The following RAPGEF1 variants were observed in gnomAD, a reference collection of about 807,000 sequenced individuals.
The protein encoded by RAPGEF1 is Rap guanine nucleotide exchange factor 1.
Under a neutral mutation model 143.3 loss-of-function variants are expected in RAPGEF1, and 33 were observed. The ratio of observed to expected loss-of-function variants is 0.23; its 90% CI spans 0.17 to 0.31. The LOEUF (loss-of-function observed/expected upper bound fraction) is 0.31. Ranked by LOEUF, RAPGEF1 falls within the 10% of genes least tolerant of loss-of-function variation. The probability of loss-of-function intolerance (pLI) is 1.00; values close to 1 mark genes in which losing one functional copy is unlikely to be tolerated. For missense variants in RAPGEF1, 1,199 were observed against 1,645.4 expected, an observed-to-expected ratio of 0.73 and a Z score of 4.69; for synonymous variants, 629 against 676.5, an observed-to-expected ratio of 0.93 and a Z score of 1.09.
At chr9:131,712,404 C>T (rs1480399104) in intron 1 of RAPGEF1, among the ~76,000 whole-genome samples, 2 of 152,194 alleles carry the variant, frequency 1.3e-5, no homozygotes, top group Non-Finnish European at 2.9e-5. Flanking sequence ...ATGCATTAAC[C>T]AGAGTTTCTA....
chr9:131,636,237 T>G (rs1194232571), intron 5 of RAPGEF1, among the ~76,000 whole-genome samples: 1 of 152,238 alleles, frequency 6.6e-6, no homozygotes, highest in Non-Finnish European at 1.5e-5. Context: ...TGCTCATATT[T>G]CCTATTATCT....
chr9:131,678,058 G>T (rs1832581314), intron 1 of RAPGEF1, among the ~76,000 whole-genome samples: 1 of 152,210 alleles, frequency 6.6e-6, no homozygotes, highest in Non-Finnish European at 1.5e-5. Flanking sequence ...TAGAATCGAG[G>T]TCAACGCAAA....
rs143916209 is a variant in RAPGEF1 at position 131,668,641 on chromosome 9, G to A, written c.62-17692C>T. On this transcript the variant is annotated intron_variant, in intron 1 of 26. Transcript: ENST00000683357. The stretch of plus-strand genomic sequence containing the variant: ...ACCACTCAAGGCGGCCTGTCCCCAC[G>A]GTGGCCTACTCCCAGGGAAGCGTTT... Among the ~76,000 whole-genome samples, 8 of 152,212 alleles carry A rather than the reference G, an allele frequency of 5.3e-5. No individual in the cohort carries two copies. In the East Asian group the frequency reaches 9.7e-4, roughly 18 times the overall value.
At chr9:131,617,071 C>CA (rs1368730431) in intron 12 of RAPGEF1, among the ~76,000 whole-genome samples, 2 of 152,202 alleles carry the variant, frequency 1.3e-5, no homozygotes, top group African/African-American at 4.8e-5. Flanking sequence ...ATGACGTACT[C>CA]ATAACCAAAC....
intron 1 of RAPGEF1, among the ~76,000 whole-genome samples, chr9:131,703,361 G>A (rs1189420356): frequency 6.6e-6 from 1 of 152,100 alleles, no homozygotes; most frequent in Non-Finnish European, 1.5e-5. Context: ...TTGTCCGTTT[G>A]TTCCAATGTT....
At chr9:131,601,338 T>G (rs1956249187) in intron 15 of RAPGEF1, among the ~76,000 whole-genome samples, 2 of 152,126 alleles carry the variant, frequency 1.3e-5, no homozygotes, top group Non-Finnish European at 2.9e-5. Context: ...GATAACAAGT[T>G]TGTAAGTGGA....
In RAPGEF1 at chr9:131,739,967, C is replaced by T. The variant is rs1451209820; in HGVS notation, c.-137G>A. 2.9e-6 allele frequency: 1 copy of T among 343,744 alleles called. No homozygotes were observed. The highest frequency in any genetic ancestry group is 4.0e-6 in the Non-Finnish European group (1 of 247,150). 21.3% of individuals were successfully genotyped at this position (343,744 alleles called of 1,614,324 possible). On this transcript the variant is annotated 5_prime_UTR_variant, in exon 1 of 27. Transcript: ENST00000683357. ...CGCGGCCCTGCGCTCGGCGACCGCG[C>T]TCCAGCCCGCCCGGGCCCAGCCGCT... is the stretch of plus-strand genomic sequence containing the variant.
Position 131,582,656 on chromosome 9 carries a change from C to T in RAPGEF1, c.3461G>A (p.Arg1154Gln), listed in dbSNP as rs778182003. 2.0e-6 allele frequency: 3 copies of T among 1,537,908 alleles called. No homozygotes were observed. The highest frequency in any genetic ancestry group is 2.6e-5 in the East Asian group (1 of 38,020). The part of the protein sequence containing the change: ...CTLIDSSSSF[R>Q]AYRAALSEVE... ...CTCCGAGAGGGCGGCCCGGTAGGCT[C>T]GGAAGGAGGACGAGCTGTCGATCAG... Residue 1154 changes from arginine to glutamine, a missense_variant, in exon 25 of 27, where the codon CGA (arginine) becomes CAA (glutamine). Arg to Gln is a conservative substitution (Grantham distance 43). Transcript: ENST00000683357.
chr9:131,665,090 G>C (rs1308043288), intron 1 of RAPGEF1, among the ~76,000 whole-genome samples: 1 of 152,226 alleles, frequency 6.6e-6, no homozygotes, highest in Non-Finnish European at 1.5e-5. Flanking sequence ...TAGAAGACCA[G>C]TGGAGGCCCT....
intron 1 of RAPGEF1, among the ~76,000 whole-genome samples, chr9:131,679,644 C>T (rs1036637719): frequency 3.3e-5 from 5 of 152,214 alleles, no homozygotes; most frequent in African/African-American, 4.8e-5. Context: ...TCCGGGTCCA[C>T]GCACAGTTTA....
chr9:131,611,392 G>A (rs747273790), intron 12 of RAPGEF1, among the ~76,000 whole-genome samples: 1 of 152,194 alleles, frequency 6.6e-6, no homozygotes, highest in East Asian at 1.9e-4. Context: ...ACAAAAATGC[G>A]TTGCTTGGGA....
In RAPGEF1 at chr9:131,739,253, G is replaced by A. The variant is rs149071013; in HGVS notation, c.61+517C>T. ...GCTGAGCTTGATCGGGGTGGGGAGGGGAAACTTGACTACCTCCTCAAAATA... is the reference window on the plus strand; with the variant it reads ...GCTGAGCTTGATCGGGGTGGGGAGGAGAAACTTGACTACCTCCTCAAAATA... On this transcript the variant is annotated intron_variant, in intron 1 of 26. Coordinates refer to ENST00000683357, the MANE Select transcript of RAPGEF1 (RefSeq NM_001377935.1). Among the ~76,000 whole-genome samples, 625 of 152,254 alleles carry A rather than the reference G, an allele frequency of 4.1e-3. 4 individuals are homozygous for A. The highest frequency in any genetic ancestry group is 7.0e-3 in the Non-Finnish European group (474 of 68,000).
In RAPGEF1 at chr9:131,650,967, A is replaced by G. The variant is rs377342323; in HGVS notation, c.62-18T>C. 1.6e-5 allele frequency: 25 copies of G among 1,612,368 alleles called. No homozygotes were observed. Among genetic ancestry groups the G allele is most frequent in the Middle Eastern group, 3.3e-4 (2 of 6,078 alleles). On this transcript the variant is annotated intron_variant, in intron 1 of 26. Coordinates refer to ENST00000683357, the MANE Select transcript of RAPGEF1 (RefSeq NM_001377935.1). This position sits in a 1 kb window ranked among gnomAD's most constrained non-coding sequence, Gnocchi z 4.7. ...CTGAGAGTCTGAAAACAAAGAGGGTACTGACTGTTAGATGGGAGTGGGAAG... is the reference window on the plus strand; with the variant it reads ...CTGAGAGTCTGAAAACAAAGAGGGTGCTGACTGTTAGATGGGAGTGGGAAG...
intron 25 of RAPGEF1, among the ~76,000 whole-genome samples, chr9:131,581,886 A>C (rs1195550275): frequency 6.6e-6 from 1 of 152,098 alleles, no homozygotes; most frequent in East Asian, 1.9e-4. Flanking sequence ...AAGCCTGGGG[A>C]TTTGTATCTC....
At chr9:131,608,442 T>C (rs892510099) in intron 12 of RAPGEF1, among the ~76,000 whole-genome samples, 3 of 152,192 alleles carry the variant, frequency 2.0e-5, no homozygotes, top group African/African-American at 7.2e-5. Context: ...TGAGTGTGGA[T>C]GGGTAAGAGA....
intron 1 of RAPGEF1, among the ~76,000 whole-genome samples, chr9:131,719,777 TGAAA>T (rs1333187613): frequency 2.0e-5 from 3 of 152,026 alleles, no homozygotes; most frequent in Non-Finnish European, 4.4e-5. Context: ...CTTTGAGATC[TGAAA>T]GAGTTAAGAT....
At chr9:131,589,351 C>T (rs1953780143) in intron 19 of RAPGEF1, among the ~76,000 whole-genome samples, 1 of 152,248 alleles carries the variant, frequency 6.6e-6, no homozygotes, top group South Asian at 2.1e-4. Context: ...ACTAGATGCT[C>T]CCCAACTTGC....
At chr9:131,596,426 A>G in intron 16 of RAPGEF1, 53 bp from the exon 17 acceptor site, 1 of 1,569,492 alleles carries the variant, frequency 6.4e-7, no homozygotes. Flanking sequence ...CCTTCAGAGA[A>G]TCAGTTTAGG....
chr9:131,681,973 G>T (rs1832950467), intron 1 of RAPGEF1, among the ~76,000 whole-genome samples: 1 of 152,188 alleles, frequency 6.6e-6, no homozygotes, highest in Non-Finnish European at 1.5e-5. Context: ...AATCCCGACT[G>T]CCAGGCTGCT....
Sources: gnomAD v4.1 joint callset for allele counts (sites outside exome capture counted in the v4.1 genomes callset) on GRCh38, gnomAD v4.1.1 for gene constraint, Gnocchi (gnomAD v3.1) non-coding constraint, MANE v1.5 for transcripts, NCBI Gene and HGNC (gene_info 2026-07-23, HGNC 2026-07-21) for gene names.